Variants in SETBP1 observed in about 807,000 individuals in gnomAD.
SETBP1 encodes the protein SET-binding protein.
In SETBP1, 9 loss-of-function variants were observed where a neutral mutation model predicts 101.0. The ratio of observed to expected loss-of-function variants is 0.09; its 90% confidence interval spans 0.05 to 0.16. The LOEUF (loss-of-function observed/expected upper bound fraction) is 0.16. Among genes scored for constraint, SETBP1 ranks in the 10% least tolerant of loss-of-function variants. The pLI is 1.00. For missense variants in SETBP1, 1,858 were observed against 2,033.8 expected, an observed-to-expected ratio of 0.91 and a Z score of 1.66; for synonymous variants, 818 against 788.5, an observed-to-expected ratio of 1.04 and a Z score of -0.63.
intron 2 of SETBP1, among the ~76,000 whole-genome samples, chr18:44,822,254 G>A (rs191928062): frequency 6.6e-6 from 1 of 152,304 alleles, no homozygotes; most frequent in Non-Finnish European, 1.5e-5. Flanking sequence ...AGTTATTGAA[G>A]GTCAGTGTGG....
At chr18:44,984,509 C>T (rs922044424) in intron 4 of SETBP1, among the ~76,000 whole-genome samples, 2 of 152,172 alleles carry the variant, frequency 1.3e-5, no homozygotes, top group African/African-American at 4.8e-5. Context: ...GCACCTGCCG[C>T]TTAACTCTTG....
chr18:44,802,839 G>C (rs2071634383), intron 2 of SETBP1, among the ~76,000 whole-genome samples: 1 of 152,182 alleles, frequency 6.6e-6, no homozygotes, highest in Non-Finnish European at 1.5e-5. Flanking sequence ...TCTGGCCATG[G>C]GGTATGCACG....
chr18:44,838,948 GA>G (rs2072555472), intron 2 of SETBP1, among the ~76,000 whole-genome samples: 1 of 151,974 alleles, frequency 6.6e-6, no homozygotes, highest in Non-Finnish European at 1.5e-5. Context: ...ATTTTTAAGA[GA>G]ATGAAATAAG....
chr18:44,813,965 T>C (rs2071919077), intron 2 of SETBP1, among the ~76,000 whole-genome samples: 1 of 152,126 alleles, frequency 6.6e-6, no homozygotes, highest in Non-Finnish European at 1.5e-5. Flanking sequence ...TTGGTTCTGT[T>C]CCGTGATAGA....
At chr18:44,938,279 C>T (rs1311087657) in intron 3 of SETBP1, among the ~76,000 whole-genome samples, 2 of 152,212 alleles carry the variant, frequency 1.3e-5, no homozygotes, top group African/African-American at 2.4e-5. Context: ...CGTGACAGTC[C>T]CTCCAGCCAC....
intron 1 of SETBP1, among the ~76,000 whole-genome samples, chr18:44,698,266 A>G (rs1280650387): frequency 1.3e-5 from 2 of 152,174 alleles, no homozygotes; most frequent in Non-Finnish European, 2.9e-5. Context: ...AGATTCCCTT[A>G]ATCCAACCCT....
At chr18:44,845,177 G>T (rs1245500681) in intron 2 of SETBP1, among the ~76,000 whole-genome samples, 2 of 152,168 alleles carry the variant, frequency 1.3e-5, no homozygotes, top group African/African-American at 4.8e-5. Context: ...GAAGAGGTTT[G>T]ATTGAGTGTG....
chr18:45,067,026 G>A lies in SETBP1; in HGVS notation c.*3328G>A, dbSNP rs1568062692. ...TCTGGCTAAAACCCAAAGAAGAAAG[G>A]TCAAAGGAAGGGAAAGCATGTCAGG... On this transcript the variant is annotated 3_prime_UTR_variant, in exon 6 of 6. Coordinates refer to ENST00000649279, the MANE Select transcript of SETBP1 (RefSeq NM_015559.3). 6.6e-6 allele frequency: 1 copy of A among 152,166 alleles called. No individual in the cohort carries two copies. The highest frequency in any genetic ancestry group is 2.1e-4 in the South Asian group (1 of 4,830). The allele number at this position is 152,166 out of a possible 1,614,324, so 9.4% of individuals were successfully genotyped here.
chr18:44,802,975 A>T (rs2071639583), intron 2 of SETBP1, among the ~76,000 whole-genome samples: 1 of 152,102 alleles, frequency 6.6e-6, no homozygotes, highest in Admixed American at 6.6e-5. Flanking sequence ...TCTGTGGGTC[A>T]TTTGGGCCTG....
intron 5 of SETBP1, among the ~76,000 whole-genome samples, chr18:45,053,031 A>G (rs1396521028): frequency 1.3e-5 from 2 of 152,192 alleles, no homozygotes; most frequent in Non-Finnish European, 2.9e-5. Flanking sequence ...CCAATTCCAC[A>G]TAGCCTTGGC....
rs1226983717 is a variant in SETBP1, at chr18:45,064,846, A to C, written c.*1148A>C. 1 of 151,854 alleles carries C rather than the reference A, an allele frequency of 6.6e-6. No individual in the cohort carries two copies. Among genetic ancestry groups the C allele is most frequent in the Non-Finnish European group, 1.5e-5 (1 of 67,976 alleles). The allele number at this position is 151,854 out of a possible 1,614,324, so 9.4% of individuals were successfully genotyped here. ...AAAAAGGAAACAAAAACACAATAGA[A>C]GTCCATTATCCCTTGATAATTATTT... On this transcript the variant is annotated 3_prime_UTR_variant, in exon 6 of 6. Transcript: ENST00000649279.
At chr18:44,899,575 G>A (rs1176308982) in intron 3 of SETBP1, among the ~76,000 whole-genome samples, 6 of 152,150 alleles carry the variant, frequency 3.9e-5, no homozygotes, top group African/African-American at 4.8e-5. Context: ...GGCATTCCAC[G>A]CTGGCAGTAA....
At chr18:45,051,730 TC>T (rs745664939) in intron 5 of SETBP1, among the ~76,000 whole-genome samples, 1 of 152,204 alleles carries the variant, frequency 6.6e-6, no homozygotes, top group Non-Finnish European at 1.5e-5. Flanking sequence ...CCTTAAATGT[TC>T]AAGCTGGTTT....
intron 4 of SETBP1, among the ~76,000 whole-genome samples, chr18:45,033,033 C>T (rs554080372): frequency 6.6e-5 from 10 of 152,200 alleles, no homozygotes; most frequent in African/African-American, 2.4e-4. Context: ...ATATTATTTC[C>T]CAAAACCTAC....
At chr18:44,881,715 A>T (rs2069533884) in intron 3 of SETBP1, among the ~76,000 whole-genome samples, 1 of 152,166 alleles carries the variant, frequency 6.6e-6, no homozygotes, top group African/African-American at 2.4e-5. Flanking sequence ...CCAGATTCAT[A>T]CACAGCTGAG....
At chr18:44,887,653 A>G (rs1411990943) in intron 3 of SETBP1, among the ~76,000 whole-genome samples, 1 of 152,186 alleles carries the variant, frequency 6.6e-6, no homozygotes, top group Non-Finnish European at 1.5e-5. Context: ...GGGCCACAGA[A>G]TATCTTCCGA....
At chr18:44,868,667 C>T (rs1029240786) in intron 2 of SETBP1, among the ~76,000 whole-genome samples, 1 of 87,128 alleles carries the variant, frequency 1.1e-5, no homozygotes, top group Non-Finnish European at 2.3e-5. Flanking sequence ...TGTACTCCAG[C>T]GAGAGAGAGA....
chr18:45,063,503 A>ACCGCCGCCACCACCCCTGCCC lies in SETBP1; in HGVS notation c.4602_4622dup (p.Pro1537_Pro1543dup). ...CGCCACCGCCGCCGCCCCTGCCGCC[A>ACCGCCGCCACCACCCCTGCCC]CCGCCGCCACCACCCCTGCCCCCGC... On this transcript the variant is annotated inframe_insertion, in exon 6 of 6. Transcript: ENST00000649279. 1 of 909,232 alleles carries ACCGCCGCCACCACCCCTGCCC rather than the reference A, an allele frequency of 1.1e-6. No individual in the cohort carries two copies. The highest frequency in any genetic ancestry group is 3.4e-5 in the African/African-American group (1 of 29,348). 56.3% of individuals were successfully genotyped at this position (909,232 alleles called of 1,614,324 possible).
At chr18:44,792,169 C>G (rs892025533) in intron 2 of SETBP1, among the ~76,000 whole-genome samples, 1 of 152,126 alleles carries the variant, frequency 6.6e-6, no homozygotes, top group African/African-American at 2.4e-5. Flanking sequence ...TTGTTACCAT[C>G]AGCAAAGGGG....
Sources: allele counts gnomAD v4.1 joint callset (sites outside exome capture counted in the v4.1 genomes callset), GRCh38; gene constraint gnomAD v4.1.1; transcripts MANE v1.5; gene names NCBI Gene and HGNC (gene_info 2026-07-23, HGNC 2026-07-21).